The following CPQ variants were observed in gnomAD, a reference collection of about 807,000 sequenced individuals.
CPQ encodes Ser-Met dipeptidase.
In CPQ, 37 loss-of-function variants were observed where a neutral mutation model predicts 45.7. The ratio of observed to expected loss-of-function variants is 0.81; its 90% CI spans 0.62 to 1.07. The LOEUF is 1.07. Ranked by LOEUF, CPQ falls within the 50% of genes least tolerant of loss-of-function variation. The probability of loss-of-function intolerance (pLI) is 0.00; values close to 1 mark genes in which losing one functional copy is unlikely to be tolerated. For synonymous variants in CPQ, 186 were observed against 205.8 expected (o/e 0.90, Z 0.82); for missense variants, 537 against 572.9 (o/e 0.94, Z 0.64).
At chr8:96,853,645 G>A (rs752422844) in intron 3 of CPQ, among the ~76,000 whole-genome samples, 5 of 151,504 alleles carry the variant, frequency 3.3e-5, no homozygotes, top group Non-Finnish European at 5.9e-5. Context: ...CTGAATTTAC[G>A]TGTTTTGAAA....
At chr8:97,061,070 A>G (rs1810542013) in intron 6 of CPQ, among the ~76,000 whole-genome samples, 1 of 152,170 alleles carries the variant, frequency 6.6e-6, no homozygotes, top group South Asian at 2.1e-4. Context: ...ATAGAAAACA[A>G]TAAAACGCTG....
chr8:96,660,183 C>T (rs1815683415), intron 1 of CPQ, among the ~76,000 whole-genome samples: 1 of 152,136 alleles, frequency 6.6e-6, no homozygotes. Context: ...GCTGGAAGTC[C>T]AAGATCAAAG....
intron 6 of CPQ, among the ~76,000 whole-genome samples, chr8:97,036,173 A>T (rs1810002047): frequency 6.6e-6 from 1 of 152,140 alleles, no homozygotes; most frequent in South Asian, 2.1e-4. Flanking sequence ...CGTCCTGCTC[A>T]TAACCACGGC....
intron 6 of CPQ, among the ~76,000 whole-genome samples, chr8:97,055,013 A>T (rs1000593486): frequency 2.0e-5 from 3 of 151,672 alleles, no homozygotes; most frequent in Non-Finnish European, 4.4e-5. Context: ...CTCCATCTGA[A>T]TGGAAAATAA....
chr8:96,691,095 G>C (rs953307333), intron 1 of CPQ, among the ~76,000 whole-genome samples: 1 of 147,598 alleles, frequency 6.8e-6, no homozygotes, highest in Admixed American at 6.6e-5. Context: ...TAAAAGAACA[G>C]ATATTTATTC....
intron 4 of CPQ, among the ~76,000 whole-genome samples, chr8:96,880,910 G>T (rs1397667923): frequency 6.6e-6 from 1 of 151,700 alleles, no homozygotes; most frequent in Non-Finnish European, 1.5e-5. Flanking sequence ...TGAATCTAAA[G>T]TTTAAAAAAT....
At chr8:96,682,319 C>T (rs1440775578) in intron 1 of CPQ, among the ~76,000 whole-genome samples, 4 of 152,112 alleles carry the variant, frequency 2.6e-5, no homozygotes, top group Admixed American at 2.6e-4. Flanking sequence ...CTTACTCACT[C>T]GTGATAGTGA....
Position 96,854,530 on chromosome 8 carries a change from C to CAAAAAAA in CPQ, c.641+19373_641+19379dup, listed in dbSNP as rs1156706371. 2.5e-3 allele frequency among the ~76,000 whole-genome samples: 22 copies of CAAAAAAA among 8,694 alleles called. 2 individuals are homozygous for CAAAAAAA. The highest frequency in any genetic ancestry group is 0.015 in the East Asian group (3 of 198). 5.7% of individuals were successfully genotyped at this position (8,694 alleles called of 152,430 possible). A position where few individuals can be genotyped will look rare whatever the true frequency, so the allele number is the denominator to read the frequency against. ...TGGGCGACAGAGCGAGACTCCGTCT[C>CAAAAAAA]AAAAAAAAAAAAAAAAAAAAAAAAA... On this transcript the variant is annotated intron_variant, in intron 3 of 7. Transcript: ENST00000220763.
intron 2 of CPQ, among the ~76,000 whole-genome samples, chr8:96,802,731 G>A (rs1456262533): frequency 1.3e-5 from 2 of 152,088 alleles, no homozygotes; most frequent in Non-Finnish European, 2.9e-5. Flanking sequence ...TTGACTAAGT[G>A]GGTAATAAAT....
At chr8:96,698,274 C>G (rs189023862) in intron 1 of CPQ, among the ~76,000 whole-genome samples, 3 of 152,120 alleles carry the variant, frequency 2.0e-5, no homozygotes, top group Admixed American at 2.0e-4. Context: ...ATAAGTGGTG[C>G]TGGGAAAACT....
At chr8:96,933,288 C>T (rs1426425555) in intron 4 of CPQ, among the ~76,000 whole-genome samples, 1 of 152,186 alleles carries the variant, frequency 6.6e-6, no homozygotes, top group Admixed American at 6.5e-5. Flanking sequence ...AGGGAGACAG[C>T]TTTTCCCTTA....
chr8:96,818,692 A>G (rs770910694), intron 2 of CPQ, among the ~76,000 whole-genome samples: 4 of 152,068 alleles, frequency 2.6e-5, no homozygotes, highest in South Asian at 2.1e-4. Context: ...AGATACAGAC[A>G]TATGTCCTTG....
chr8:97,079,427 T>C (rs1259042383), intron 7 of CPQ, among the ~76,000 whole-genome samples: 2 of 152,224 alleles, frequency 1.3e-5, no homozygotes, highest in African/African-American at 4.8e-5. Context: ...TTATGATAGA[T>C]GCTTTACTTA....
rs1563483452 is a variant in CPQ, at chr8:96,737,249, ACACAC to A, written c.-34-47614_-34-47610del. ...ATAAGATACACACACACACACACAC[ACACAC>A]AAAAAAAAACTAATAGGATATATAT... is the stretch of plus-strand genomic sequence containing the variant. On this transcript the variant is annotated intron_variant, in intron 1 of 7. Coordinates refer to ENST00000220763, the MANE Select transcript of CPQ (RefSeq NM_016134.4). 1.4e-3 allele frequency among the ~76,000 whole-genome samples: 195 copies of A among 143,716 alleles called. 2 individuals are homozygous for A. The highest frequency in any genetic ancestry group is 9.3e-3 in the Admixed American group (135 of 14,482). 94.3% of individuals were successfully genotyped at this position (143,716 alleles called of 152,430 possible).
intron 6 of CPQ, among the ~76,000 whole-genome samples, chr8:97,033,513 T>C (rs1184637593): frequency 1.3e-5 from 2 of 152,196 alleles, no homozygotes; most frequent in Non-Finnish European, 2.9e-5. Context: ...CTCTTTCTCG[T>C]TTGTATGACC....
At position 97,112,724 on chromosome 8, in the gene CPQ, A is replaced by G. The variant is rs530490799; in HGVS notation, c.1256-30296A>G. 9.8e-5 allele frequency among the ~76,000 whole-genome samples: 15 copies of G among 152,326 alleles called. 1 individual carries two copies. In the South Asian group the frequency reaches 2.5e-3, roughly 25 times the overall value. On this transcript the variant is annotated intron_variant, in intron 7 of 7. Transcript: ENST00000220763. ...CTGACAGCATGGATCAGAGGGCAAC[A>G]CTGGACAGGCGGGAAGACAGAGGAG...
At chr8:96,678,982 A>T (rs917302594) in intron 1 of CPQ, among the ~76,000 whole-genome samples, 1 of 151,932 alleles carries the variant, frequency 6.6e-6, no homozygotes, top group African/African-American at 2.4e-5. Context: ...AGCCATAAAA[A>T]TCTAATGTCC....
chr8:96,936,514 G>T (rs530968126), intron 4 of CPQ, among the ~76,000 whole-genome samples: 1 of 152,134 alleles, frequency 6.6e-6, no homozygotes, highest in Non-Finnish European at 1.5e-5. Context: ...CTTTGGCAAA[G>T]AATTCTTGAG....
intron 6 of CPQ, among the ~76,000 whole-genome samples, chr8:97,053,071 T>C (rs1810388900): frequency 6.6e-6 from 1 of 152,216 alleles, no homozygotes; most frequent in African/African-American, 2.4e-5. Flanking sequence ...ATAATCATTA[T>C]CTTCACCACC....
Sources: allele counts gnomAD v4.1 joint callset (sites outside exome capture counted in the v4.1 genomes callset), GRCh38; gene constraint gnomAD v4.1.1; transcripts MANE v1.5; gene names NCBI Gene and HGNC (gene_info 2026-07-23, HGNC 2026-07-21).